Variants in IL10RB observed in about 807,000 individuals in gnomAD.
IL10RB encodes interleukin-10 receptor subunit beta.
Under a neutral mutation model 38.7 loss-of-function variants are expected in IL10RB, and 30 were observed. The observed-to-expected ratio is 0.78, with a 90% CI of 0.58 to 1.05. IL10RB has a LOEUF of 1.05. IL10RB is among the 50% of genes least tolerant of loss of function. The pLI is 0.00. For synonymous variants in IL10RB, 142 were observed against 145.9 expected, an observed-to-expected ratio of 0.97 and a Z score of 0.19; for missense variants, 328 against 397.1, an observed-to-expected ratio of 0.83 and a Z score of 1.48.
chr21:33,276,305 T>C (rs1568905097), intron 2 of IL10RB, among the ~76,000 whole-genome samples: 1 of 152,236 alleles, frequency 6.6e-6, no homozygotes, highest in Non-Finnish European at 1.5e-5. Flanking sequence ...TTTATTTTGG[T>C]AAATTTTTGT....
chr21:33,282,880 G>C (rs930915686), intron 4 of IL10RB, among the ~76,000 whole-genome samples: 4 of 152,128 alleles, frequency 2.6e-5, no homozygotes, highest in Middle Eastern at 3.2e-3. Flanking sequence ...TTAAGCTGGA[G>C]AATTCAGGAA....
downstream of IL10RB, among the ~76,000 whole-genome samples, chr21:33,297,804 T>C (rs552058448): frequency 6.7e-6 from 1 of 148,924 alleles, no homozygotes; most frequent in Admixed American, 6.7e-5. Flanking sequence ...GGTGATGGAA[T>C]GAGACCCTGT....
At position 33,283,205 on chromosome 21, in the gene IL10RB, T is replaced by C. The variant is rs1989311645; in HGVS notation, c.610T>C (p.Trp204Arg). The C allele has an allele frequency of 6.2e-7, 1 of 1,613,952 alleles. No individual in the cohort carries two copies. Among genetic ancestry groups the C allele is most frequent in the Non-Finnish European group, 8.5e-7 (1 of 1,180,024 alleles). ...FLPDRNKAGE[W>R]SEPVCEQTTH... is the part of the protein sequence containing the mutation. ...TCCTGATCGGAACAAAGCTGGGGAA[T>C]GGAGTGAGCCTGTCTGTGAGCAAAC... The change falls in exon 5 of 7, where the codon TGG becomes CGG. Residue 204 changes from tryptophan to arginine, a missense_variant. Physicochemically the swap from Trp to Arg is moderately radical, Grantham distance 101 (BLOSUM62 -3). Coordinates refer to ENST00000290200, the MANE Select transcript of IL10RB (RefSeq NM_000628.5).
chr21:33,281,010 G>A (rs907779306), intron 4 of IL10RB, among the ~76,000 whole-genome samples: 1 of 152,186 alleles, frequency 6.6e-6, no homozygotes, highest in Non-Finnish European at 1.5e-5. Flanking sequence ...AGGCTGGGAA[G>A]TCCAAGATCA....
intron 5 of IL10RB, 143 bp from the exon 6 acceptor site, chr21:33,287,961 C>T (rs1274385926): frequency 2.4e-6 from 2 of 831,990 alleles, no homozygotes; most frequent in Non-Finnish European, 2.1e-6. Context: ...CCTCTGGGTC[C>T]TCCAACCAGT....
At chr21:33,273,797 T>A (rs1989123038) in intron 2 of IL10RB, among the ~76,000 whole-genome samples, 1 of 152,256 alleles carries the variant, frequency 6.6e-6, no homozygotes, top group East Asian at 1.9e-4. Context: ...AAATTCCATC[T>A]CAAGAAACCA....
intron 5 of IL10RB, among the ~76,000 whole-genome samples, chr21:33,285,691 G>C (rs567950859): frequency 5.9e-5 from 9 of 152,284 alleles, no homozygotes; most frequent in African/African-American, 1.9e-4. Flanking sequence ...AAAATAACAG[G>C]GCGGGGCCCA....
chr21:33,276,314 GTAAATCAATGTCTCA>G (rs1989169280), intron 2 of IL10RB, among the ~76,000 whole-genome samples: 1 of 152,078 alleles, frequency 6.6e-6, no homozygotes, highest in Non-Finnish European at 1.5e-5. Flanking sequence ...GTAAATTTTT[GTAAATCAATGTCTCA>G]TAAATCACAT....
exon 2 of IL10RB, chr21:33,309,464 G>A (rs1304654932): frequency 6.6e-6 from 1 of 152,208 alleles, no homozygotes; most frequent in Non-Finnish European, 1.5e-5. Flanking sequence ...GTTGCACTAA[G>A]AAGTCAGAAG....
rs777243818 is a variant in IL10RB, at chr21:33,266,493, G to C, written c.28G>C (p.Gly10Arg). MAWSLGSWLGGCLLVSALGM... is the reference protein window; with the variant it reads MAWSLGSWLRGCLLVSALGM... ...GGCGTGGAGCCTTGGGAGCTGGCTG[G>C]GTGGCTGCCTGCTGGTGTCAGGTGA... The change falls in exon 1 of 7, where the codon GGT becomes CGT. Residue 10 changes from glycine to arginine, a missense_variant. Transcript: ENST00000290200. 5 of 1,543,008 alleles carry C rather than the reference G, an allele frequency of 3.2e-6. No homozygotes were observed. The South Asian group carries it at 4.8e-5, about 15-fold the overall frequency.
intron 1 of IL10RB, among the ~76,000 whole-genome samples, chr21:33,306,469 T>C (rs1198954967): frequency 3.3e-5 from 5 of 152,212 alleles, no homozygotes; most frequent in Admixed American, 2.6e-4. Context: ...TTTTTAATCA[T>C]TGTTTAAATA....
chr21:33,286,358 T>C (rs1047666830), intron 5 of IL10RB, among the ~76,000 whole-genome samples: 7 of 152,182 alleles, frequency 4.6e-5, no homozygotes, highest in African/African-American at 1.7e-4. Flanking sequence ...CCAAATGCTG[T>C]GCTCGTGAGG....
chr21:33,294,150 T>C lies in IL10RB; in HGVS notation c.805-2034T>C, dbSNP rs77894794. 6.9e-4 allele frequency: 312 copies of C among 450,824 alleles called. 1 individual carries two copies. Among genetic ancestry groups the C allele is most frequent in the African/African-American group, 5.6e-3 (274 of 49,356 alleles). The allele number at this position is 450,824 out of a possible 1,614,324, so 27.9% of individuals were successfully genotyped here. On this transcript the variant is annotated intron_variant, in intron 6 of 6. Transcript: ENST00000290200. The stretch of plus-strand genomic sequence containing the variant: ...CCTGTAAGATCTGAGAAATCAGAGA[T>C]GGGAGTGGAGGGTGCTGGAGAAGGG...
chr21:33,275,753 A>G (rs1180730096), intron 2 of IL10RB, among the ~76,000 whole-genome samples: 1 of 152,250 alleles, frequency 6.6e-6, no homozygotes, highest in African/African-American at 2.4e-5. Flanking sequence ...TTCCTCACTA[A>G]GCTTAATCCT....
intron 1 of IL10RB, among the ~76,000 whole-genome samples, chr21:33,303,014 C>G (rs1183370764): frequency 1.3e-5 from 2 of 152,180 alleles, no homozygotes; most frequent in Non-Finnish European, 2.9e-5. Context: ...TGGCCATGCT[C>G]TTATGCACAC....
In IL10RB at chr21:33,266,593, C is replaced by CG. The variant is rs1988949998; in HGVS notation, c.49+80dup. ...TGCCGCCCCTGATCCCATCCCTGGG[C>CG]GCCCTGCAAGTGACTTAAGAGCCTT... On this transcript the variant is annotated intron_variant, in intron 1 of 6. Transcript: ENST00000290200. 4 of 1,436,488 alleles carry CG rather than the reference C, an allele frequency of 2.8e-6. No individual in the cohort carries two copies. In the Admixed American group the frequency reaches 8.0e-5, roughly 29 times the overall value. 89.0% of individuals were successfully genotyped at this position (1,436,488 alleles called of 1,614,324 possible).
chr21:33,308,590 A>T (rs1413083241), intron 1 of IL10RB: 1 of 152,238 alleles, frequency 6.6e-6, no homozygotes, highest in African/African-American at 2.4e-5. Flanking sequence ...GATACAATAT[A>T]ATCACATGGA....
At chr21:33,290,911 C>A (rs1477411415) in intron 6 of IL10RB, among the ~76,000 whole-genome samples, 1 of 152,218 alleles carries the variant, frequency 6.6e-6, no homozygotes, top group African/African-American at 2.4e-5. Context: ...GGAATTGATT[C>A]TCTCACGGTT....
intron 3 of IL10RB, among the ~76,000 whole-genome samples, chr21:33,278,059 A>C (rs985528512): frequency 2.0e-5 from 3 of 151,220 alleles, no homozygotes; most frequent in Non-Finnish European, 4.4e-5. Flanking sequence ...AAAAAAAAAA[A>C]AAAAAAAATT....
Sources: allele counts gnomAD v4.1 joint callset (sites outside exome capture counted in the v4.1 genomes callset), GRCh38; gene constraint gnomAD v4.1.1; transcripts MANE v1.5; gene names NCBI Gene and HGNC (gene_info 2026-07-23, HGNC 2026-07-21).